GLB1L2: variants seen among roughly 807,000 people sequenced by gnomAD.
GLB1L2 encodes beta-galactosidase-1-like protein 2.
Under a neutral mutation model 84.1 loss-of-function variants are expected in GLB1L2, and 68 were observed. That is an observed-to-expected ratio of 0.81 (90% CI 0.67 to 0.99). GLB1L2 has a LOEUF of 0.99. GLB1L2 is among the 50% of genes least tolerant of loss of function. The pLI is 0.00. For missense variants in GLB1L2, 762 were observed against 805.6 expected, an observed-to-expected ratio of 0.95 and a Z score of 0.66; for synonymous variants, 290 against 318.0, an observed-to-expected ratio of 0.91 and a Z score of 0.94.
chr11:134,354,660 T>C (rs891972431), intron 5 of GLB1L2, among the ~76,000 whole-genome samples: 2 of 152,168 alleles, frequency 1.3e-5, no homozygotes, highest in Admixed American at 6.5e-5. Context: ...GTTGACACTT[T>C]TTCCTTTCAG....
At chr11:134,342,699 C>A in intron 1 of GLB1L2, 55 bp from the exon 2 acceptor site, 1 of 1,543,510 alleles carries the variant, frequency 6.5e-7, no homozygotes, top group Non-Finnish European at 8.8e-7. Context: ...GGCGAGGAAG[C>A]CGATCTCTCT....
rs533411065 is a variant in GLB1L2, at chr11:134,347,128, G to C, written c.450-197G>C. On this transcript the variant is annotated intron_variant, in intron 4 of 18. Transcript: ENST00000535456. ...CCAGGCTGTGTCCTTGGGGAGGGAA[G>C]CTGCAGGAGTGCGGGTGGGTGCTCG... The C allele has an allele frequency of 2.0e-4, 111 of 557,602 alleles. 1 individual carries two copies. The Admixed American group carries it at 2.3e-3, about 12-fold the overall frequency. The allele number at this position is 557,602 out of a possible 1,614,324, so 34.5% of individuals were successfully genotyped here.
chr11:134,338,738 A>G lies in GLB1L2; in HGVS notation c.87-4016A>G, dbSNP rs1336016907. 6.6e-6 allele frequency among the ~76,000 whole-genome samples: 1 copy of G among 152,200 alleles called. No individual in the cohort carries two copies. Among genetic ancestry groups the G allele is most frequent in the Non-Finnish European group, 1.5e-5 (1 of 68,026 alleles). On this transcript the variant is annotated intron_variant, in intron 1 of 18. Coordinates refer to ENST00000535456, the MANE Select transcript of GLB1L2 (RefSeq NM_001370461.1). This position sits in a 1 kb window ranked among gnomAD's most constrained non-coding sequence, Gnocchi z 6.2. ...GCCCAGCCTTCAGCACGAATAGTGC[A>G]TGCCCCTTTTCCACTTGCCAAAAGG... is the stretch of plus-strand genomic sequence containing the variant.
rs1355827689 is a variant in GLB1L2, at chr11:134,375,285, C to A, written c.*227C>A. On this transcript the variant is annotated 3_prime_UTR_variant, in exon 19 of 19. Coordinates refer to ENST00000535456, the MANE Select transcript of GLB1L2 (RefSeq NM_001370461.1). ...TTGTTGATGATGGCTTTCCTACAGC[C>A]CTGCTCTTGTGCCGAGGCTGTCGGG... is the stretch of plus-strand genomic sequence containing the variant. 7 of 518,468 alleles carry A rather than the reference C, an allele frequency of 1.4e-5. No individual in the cohort carries two copies. Among genetic ancestry groups the A allele is most frequent in the Non-Finnish European group, 2.4e-5 (7 of 292,558 alleles). The allele number at this position is 518,468 out of a possible 1,614,324, so 32.1% of individuals were successfully genotyped here.
intron 1 of GLB1L2, among the ~76,000 whole-genome samples, chr11:134,335,183 A>C (rs1943364442): frequency 6.6e-6 from 1 of 151,636 alleles, no homozygotes; most frequent in Admixed American, 6.6e-5. Context: ...GAGATGTATC[A>C]AACTCTTTCT....
In GLB1L2 at chr11:134,375,017, A is replaced by G; in HGVS notation, c.1870A>G (p.Thr624Ala). ...GATGGCGGGCCCTGCATTACAGTTC[A>G]CGGAAACCCCCCACCTGGGCAGGAA... ...ETMAGPALQF[T>A]ETPHLGRNQY... Residue 624 changes from threonine to alanine, a missense_variant, in exon 19 of 19, where the codon ACG becomes GCG. Thr to Ala is a moderately conservative substitution (Grantham distance 58). Transcript: ENST00000535456. 9 of 1,613,632 alleles carry G rather than the reference A, an allele frequency of 5.6e-6. No homozygotes were observed. Among genetic ancestry groups the G allele is most frequent in the Non-Finnish European group, 7.6e-6 (9 of 1,179,906 alleles).
At position 134,347,341 on chromosome 11, in the gene GLB1L2, C is replaced by A; in HGVS notation, c.466C>A (p.Pro156Thr). 6.2e-7 allele frequency: 1 copy of A among 1,613,974 alleles called. No individual in the cohort carries two copies. The highest frequency in any genetic ancestry group is 8.5e-7 in the Non-Finnish European group (1 of 1,179,834). ...GGLPSWLLQDPGMRLRTTYKG... is the reference protein window; with the variant it reads ...GGLPSWLLQDTGMRLRTTYKG... ...CACTTCAAGCTGGCTACTCCAAGAC[C>A]CTGGCATGAGGCTGAGGACAACTTA... The change falls in exon 5 of 19, where the codon CCT becomes ACT. Residue 156 changes from proline to threonine, a missense_variant. Pro to Thr is a conservative substitution (Grantham distance 38). Transcript: ENST00000535456.
Position 134,339,873 on chromosome 11 carries a change from A to G in GLB1L2, c.87-2881A>G, listed in dbSNP as rs1189906722. ...GGTGGATAGAAGTTGTTGAATTGGG[A>G]TGCCTCTTTCCAGGTGTCTGCACTT... On this transcript the variant is annotated intron_variant, in intron 1 of 18. Transcript: ENST00000535456. The surrounding 1 kb of genome is among the most constrained non-coding windows in gnomAD (Gnocchi z 5.7). 6.6e-6 allele frequency among the ~76,000 whole-genome samples: 1 copy of G among 152,142 alleles called. No individual in the cohort carries two copies. Among genetic ancestry groups the G allele is most frequent in the African/African-American group, 2.4e-5 (1 of 41,422 alleles).
At chr11:134,341,906 G>A (rs1015841215) in intron 1 of GLB1L2, among the ~76,000 whole-genome samples, 3 of 121,896 alleles carry the variant, frequency 2.5e-5, no homozygotes, top group African/African-American at 9.6e-5. Flanking sequence ...AGGAGCGAGC[G>A]CCGGTGGGGA....
intron 8 of GLB1L2, chr11:134,367,049 C>A (rs191609333): frequency 1.6e-5 from 10 of 607,732 alleles, no homozygotes; most frequent in Non-Finnish European, 2.9e-5. Flanking sequence ...TGCTCTATAC[C>A]TGCAGGAGGC....
In GLB1L2 at chr11:134,364,562, C is replaced by T. The variant is rs997561515; in HGVS notation, c.804+164C>T. 1.1e-4 allele frequency: 69 copies of T among 618,960 alleles called. No individual in the cohort carries two copies. In the African/African-American group the frequency reaches 1.2e-3, roughly 11 times the overall value. 38.3% of individuals were successfully genotyped at this position (618,960 alleles called of 1,614,324 possible). ...CACTGTGTGCCTGCAAGGCCCGCTG[C>T]CCAGAAACACCTCTGAGGGCTGCTG... On this transcript the variant is annotated intron_variant, in intron 8 of 18. Coordinates refer to ENST00000535456, the MANE Select transcript of GLB1L2 (RefSeq NM_001370461.1).
chr11:134,353,437 C>T (rs1943662204), intron 5 of GLB1L2, among the ~76,000 whole-genome samples: 1 of 151,988 alleles, frequency 6.6e-6, no homozygotes, highest in African/African-American at 2.4e-5. Context: ...TTTATTAAGG[C>T]TTGTTTTTTT....
In GLB1L2 at chr11:134,359,274, G is replaced by A. The variant is rs1943749858; in HGVS notation, c.733+133G>A. ...TATTCTCCCGTGCATATGGCACTGGGCTGCAGACACCCTTGGGTTCCATGA... is the reference window on the plus strand; with the variant it reads ...TATTCTCCCGTGCATATGGCACTGGACTGCAGACACCCTTGGGTTCCATGA... On this transcript the variant is annotated intron_variant, in intron 7 of 18. Coordinates refer to ENST00000535456, the MANE Select transcript of GLB1L2 (RefSeq NM_001370461.1). 3 of 608,086 alleles carry A rather than the reference G, an allele frequency of 4.9e-6. No individual in the cohort carries two copies. In the South Asian group the frequency reaches 6.9e-5, roughly 14 times the overall value. The allele number at this position is 608,086 out of a possible 1,614,324, so 37.7% of individuals were successfully genotyped here.
intron 1 of GLB1L2, among the ~76,000 whole-genome samples, chr11:134,340,569 G>A (rs1418115612): frequency 6.6e-6 from 1 of 152,216 alleles, no homozygotes; most frequent in Non-Finnish European, 1.5e-5. Context: ...CGCCTGGTGA[G>A]CAGAGCAGGG....
intron 18 of GLB1L2, 57 bp downstream of exon 18, chr11:134,374,775 A>G: frequency 6.9e-7 from 1 of 1,444,672 alleles, no homozygotes; most frequent in African/African-American, 1.4e-5. Context: ...CTGCCGTCCC[A>G]GGGAGCCTTC....
intron 17 of GLB1L2, 73 bp downstream of exon 17, chr11:134,374,329 C>G: frequency 8.2e-7 from 1 of 1,222,882 alleles, no homozygotes; most frequent in Non-Finnish European, 1.2e-6. Flanking sequence ...GCCAAAGCCA[C>G]GAGCTTGGCG....
chr11:134,356,148 T>C (rs751055274), intron 5 of GLB1L2, 153 bp from the exon 6 acceptor site: 11 of 738,528 alleles, frequency 1.5e-5, no homozygotes, highest in Non-Finnish European at 2.7e-5. Flanking sequence ...AACAAGGGCC[T>C]AGTGCTTCTT....
intron 3 of GLB1L2, among the ~76,000 whole-genome samples, 182 bp from the exon 4 acceptor site, chr11:134,344,852 G>C (rs1286522060): frequency 2.0e-5 from 3 of 152,252 alleles, no homozygotes; most frequent in Non-Finnish European, 2.9e-5. Flanking sequence ...GCTGTGCAGA[G>C]GCTCTGAGGC....
intron 5 of GLB1L2, among the ~76,000 whole-genome samples, chr11:134,347,847 G>T (rs73604950): frequency 2.0e-5 from 3 of 152,194 alleles, no homozygotes; most frequent in Non-Finnish European, 4.4e-5. Context: ...TGGAGCACAT[G>T]TGGATTAACC....
Sources: allele counts gnomAD v4.1 joint callset (sites outside exome capture counted in the v4.1 genomes callset), GRCh38; gene constraint gnomAD v4.1.1; non-coding constraint Gnocchi (gnomAD v3.1); transcripts MANE v1.5; gene names NCBI Gene and HGNC (gene_info 2026-07-23, HGNC 2026-07-21).